Variants in COQ8B observed in about 807,000 individuals in gnomAD.
The protein encoded by COQ8B is coenzyme Q8B, also known as atypical kinase COQ8B, mitochondrial.
In COQ8B, 44 loss-of-function variants were observed where a neutral mutation model predicts 62.0. The observed-to-expected ratio is 0.71, with a 90% confidence interval of 0.56 to 0.91. COQ8B has a LOEUF of 0.91. Ranked by LOEUF, COQ8B falls within the 40% of genes least tolerant of loss-of-function variation. The probability of loss-of-function intolerance (pLI) is 0.00; values close to 1 mark genes in which losing one functional copy is unlikely to be tolerated. For synonymous variants in COQ8B, 252 were observed against 289.9 expected (o/e 0.87, Z 1.33); for missense variants, 649 against 731.6 (o/e 0.89, Z 1.30).
At chr19:40,693,681 A>G (rs1275149725) in intron 13 of COQ8B, among the ~76,000 whole-genome samples, 2 of 152,142 alleles carry the variant, frequency 1.3e-5, no homozygotes, top group Non-Finnish European at 2.9e-5. Flanking sequence ...CTCATCTGTG[A>G]AGTGGGGATG....
chr19:40,715,055 A>G (rs932963544), intron 1 of COQ8B: 1 of 968,090 alleles, frequency 1.0e-6, no homozygotes, highest in Admixed American at 7.0e-5. Flanking sequence ...CTAAGCACCC[A>G]CTGCTCTCAG....
chr19:40,698,016 G>C (rs2082032604), intron 12 of COQ8B, among the ~76,000 whole-genome samples: 1 of 150,468 alleles, frequency 6.6e-6, no homozygotes, highest in Non-Finnish European at 1.5e-5. Flanking sequence ...AGGAGTTCGA[G>C]ACCAGCCTGG....
chr19:40,708,573 A>C (rs968711224), intron 5 of COQ8B, among the ~76,000 whole-genome samples: 15 of 152,058 alleles, frequency 9.9e-5, no homozygotes, highest in African/African-American at 3.6e-4. Flanking sequence ...AGTGGGGTGT[A>C]GACTCAGGCT....
intron 12 of COQ8B, among the ~76,000 whole-genome samples, chr19:40,697,368 C>T (rs1023136558): frequency 5.9e-5 from 9 of 152,144 alleles, no homozygotes; most frequent in Non-Finnish European, 1.2e-4. Context: ...CCCACCTCAG[C>T]CTCCCAAAGT....
chr19:40,696,310 T>G (rs901817862), intron 12 of COQ8B, among the ~76,000 whole-genome samples: 2 of 151,872 alleles, frequency 1.3e-5, no homozygotes, highest in African/African-American at 4.8e-5. Flanking sequence ...CAGAGAATAA[T>G]AAAAGATATA....
At position 40,703,872 on chromosome 19, in the gene COQ8B, C is replaced by T. The variant is rs373895463; in HGVS notation, c.577-17G>A. 1 of 1,594,458 alleles carries T rather than the reference C, an allele frequency of 6.3e-7. No individual in the cohort carries two copies. Among genetic ancestry groups the T allele is most frequent in the Non-Finnish European group, 8.6e-7 (1 of 1,166,130 alleles). On this transcript the variant is annotated splice_polypyrimidine_tract_variant and intron_variant, in intron 7 of 14. Transcript: ENST00000324464. ...AAGAACTCTCTGCGGGGAGTGGTCA[C>T]AGCCATCATCATTGTGGCAGAGTTC... is the stretch of plus-strand genomic sequence containing the variant.
intron 12 of COQ8B, among the ~76,000 whole-genome samples, chr19:40,697,579 C>T (rs1236806395): frequency 3.3e-5 from 5 of 151,638 alleles, no homozygotes; most frequent in Non-Finnish European, 5.9e-5. Flanking sequence ...GGCGGATCAC[C>T]TGAGGTCAGG....
chr19:40,696,815 T>C (rs2082018498), intron 12 of COQ8B, among the ~76,000 whole-genome samples: 1 of 152,252 alleles, frequency 6.6e-6, no homozygotes, highest in Admixed American at 6.5e-5. Context: ...CTATATTTTC[T>C]ATGTATGTGT....
chr19:40,706,699 A>G (rs1039549761), intron 5 of COQ8B, among the ~76,000 whole-genome samples: 4 of 152,146 alleles, frequency 2.6e-5, no homozygotes, highest in Admixed American at 1.3e-4. Flanking sequence ...ACCTCAAGGG[A>G]TCCTCCCGCC....
At chr19:40,703,443 C>T (rs1160560131) in intron 9 of COQ8B, 98 bp downstream of exon 9, 3 of 1,274,664 alleles carry the variant, frequency 2.4e-6, no homozygotes, top group Non-Finnish European at 3.2e-6. Flanking sequence ...AACGCCAGCA[C>T]ACCCTGCCCG....
intron 1 of COQ8B, chr19:40,715,197 G>T (rs934882337): frequency 4.1e-5 from 40 of 984,740 alleles, no homozygotes; most frequent in Non-Finnish European, 4.8e-5. Context: ...ATCTGTGCGC[G>T]GGGGAAGGGG....
intron 5 of COQ8B, among the ~76,000 whole-genome samples, chr19:40,706,434 G>A (rs180733974): frequency 5.3e-5 from 8 of 152,290 alleles, no homozygotes; most frequent in African/African-American, 1.7e-4. Flanking sequence ...GAATGTGTAC[G>A]TGTGTACTCT....
At chr19:40,693,709 A>T (rs933188610) in intron 13 of COQ8B, among the ~76,000 whole-genome samples, 1 of 151,968 alleles carries the variant, frequency 6.6e-6, no homozygotes, top group African/African-American at 2.4e-5. Context: ...TGCCTTCCTC[A>T]TGGGGCTGTT....
At chr19:40,703,297 T>C in intron 9 of COQ8B, 2 of 511,490 alleles carry the variant, frequency 3.9e-6, no homozygotes, top group East Asian at 6.7e-5. Flanking sequence ...TCTGAGAGTC[T>C]GCTGCTGTAT....
chr19:40,713,417 G>A (rs921901129), intron 4 of COQ8B, among the ~76,000 whole-genome samples: 2 of 152,062 alleles, frequency 1.3e-5, no homozygotes, highest in Non-Finnish European at 2.9e-5. Context: ...TGTGGTGGAT[G>A]CATGCCTGTA....
intron 5 of COQ8B, among the ~76,000 whole-genome samples, chr19:40,706,511 G>A (rs2082102122): frequency 6.6e-6 from 1 of 152,144 alleles, no homozygotes; most frequent in Non-Finnish European, 1.5e-5. Flanking sequence ...TATCACCCAG[G>A]CTGGAGTGCA....
chr19:40,705,062 C>A lies in COQ8B; in HGVS notation c.576+34G>T, dbSNP rs147251838. Reference sequence around the variant, plus strand: ...GGCAGGTCAGAGGAGATGGAGCCTGCCTCCCTCACCGCCCTCCCCCACTGG... The same window carrying A: ...GGCAGGTCAGAGGAGATGGAGCCTGACTCCCTCACCGCCCTCCCCCACTGG... On this transcript the variant is annotated intron_variant, in intron 7 of 14. Transcript: ENST00000324464. 1,129 of 1,561,080 alleles carry A rather than the reference C, an allele frequency of 7.2e-4. 2 individuals carry two copies. The highest frequency in any genetic ancestry group is 8.2e-4 in the Non-Finnish European group (949 of 1,151,344).
At chr19:40,703,886 G>T in intron 7 of COQ8B, 31 bp from the exon 8 acceptor site, 1 of 1,585,254 alleles carries the variant, frequency 6.3e-7, no homozygotes. Flanking sequence ...CATCATCATT[G>T]TGGCAGAGTT....
At position 40,709,901 on chromosome 19, in the gene COQ8B, G is replaced by A. The variant is rs7257111; in HGVS notation, c.367+158C>T. On this transcript the variant is annotated intron_variant, in intron 5 of 14. Transcript: ENST00000324464. ...AATCATGACCCTGATAGTGGTTTAG[G>A]CCTGTTCAAAGCACTTCACAATGAC... Among the ~76,000 whole-genome samples the A allele has an allele frequency of 3.9e-3, 592 of 152,186 alleles. 4 individuals carry two copies. Among genetic ancestry groups the A allele is most frequent in the African/African-American group, 0.013 (553 of 41,520 alleles).
Sources: allele counts gnomAD v4.1 joint callset (sites outside exome capture counted in the v4.1 genomes callset), GRCh38; gene constraint gnomAD v4.1.1; transcripts MANE v1.5; gene names NCBI Gene and HGNC (gene_info 2026-07-23, HGNC 2026-07-21).